OSBPL8: variants seen among roughly 807,000 people sequenced by gnomAD.
The protein encoded by OSBPL8 is oxysterol-binding protein-related protein 8.
A neutral mutation model predicts 125.5 loss-of-function variants in OSBPL8; 59 were observed. The ratio of observed to expected loss-of-function variants is 0.47; its 90% CI spans 0.38 to 0.58. The LOEUF (loss-of-function observed/expected upper bound fraction) is 0.58, where lower values mean the gene tolerates loss of function less well. Ranked by LOEUF, OSBPL8 falls within the 20% of genes least tolerant of loss-of-function variation. The pLI is 0.00. For missense variants in OSBPL8, 758 were observed against 1,047.8 expected, an observed-to-expected ratio of 0.72 and a Z score of 3.82; for synonymous variants, 330 against 338.9, an observed-to-expected ratio of 0.97 and a Z score of 0.29.
Position 76,389,209 on chromosome 12 carries a change from G to A in OSBPL8, c.1352+436C>T, listed in dbSNP as rs146414257. Among the ~76,000 whole-genome samples the A allele has an allele frequency of 9.2e-5, 14 of 152,264 alleles. 1 individual carries two copies. In the East Asian group the frequency reaches 2.7e-3, roughly 29 times the overall value. On this transcript the variant is annotated intron_variant, in intron 12 of 23. Transcript: ENST00000261183. ...GTTCCAAAAGCTAGCAACTGGCAGG[G>A]CATTCTAGTTCTGGTAAGCCGTACA...
intron 1 of OSBPL8, among the ~76,000 whole-genome samples, chr12:76,536,740 G>A (rs1168409287): frequency 4.6e-5 from 7 of 151,534 alleles, no homozygotes; most frequent in Admixed American, 3.9e-4. Context: ...AAGAACGGAG[G>A]CGGAAAGGAG....
chr12:76,448,687 A>T lies in OSBPL8; in HGVS notation c.217+2164T>A, dbSNP rs377429096. 1.5e-4 allele frequency among the ~76,000 whole-genome samples: 23 copies of T among 152,352 alleles called. No homozygotes were observed. In the East Asian group the frequency reaches 3.5e-3, roughly 23 times the overall value. On this transcript the variant is annotated intron_variant, in intron 4 of 23. Transcript: ENST00000261183. ...TACCATGCTATATGAAAGTGTTTCC[A>T]TCTAATATATGACTAGATAAACATT... is the stretch of plus-strand genomic sequence containing the variant.
chr12:76,472,892 C>A (rs1876336453), intron 2 of OSBPL8, among the ~76,000 whole-genome samples: 1 of 152,098 alleles, frequency 6.6e-6, no homozygotes, highest in African/African-American at 2.4e-5. Context: ...AGGCCCTCCA[C>A]AAGAGGTGGA....
chr12:76,545,991 A>G (rs4258421), intron 1 of OSBPL8, among the ~76,000 whole-genome samples: 112,070 of 152,034 alleles, frequency 0.74, 45,443 homozygotes, highest in East Asian at 0.98. Context: ...GATTTTTTTC[A>G]GCCAAACAAG....
At position 76,394,676 on chromosome 12, in the gene OSBPL8, A is replaced by G. The variant is rs767328399; in HGVS notation, c.726T>C (p.Tyr242=). The change falls in exon 9 of 24, where the codon TAT becomes TAC. Residue 242 remains tyrosine (Y), a synonymous_variant. Coordinates refer to ENST00000261183, the MANE Select transcript of OSBPL8 (RefSeq NM_020841.5). ...ACTCTGAAGTAGCTCGGATGATCAA[A>G]TAACTGCTAGGTAAGGGTTGAGTAA... The part of the protein sequence containing the change: ...GSITQPLPSS[Y]LIIRATSESD... 12 of 1,612,768 alleles carry G rather than the reference A, an allele frequency of 7.4e-6. No individual in the cohort carries two copies. In the South Asian group the frequency reaches 1.3e-4, roughly 18 times the overall value.
intron 12 of OSBPL8, among the ~76,000 whole-genome samples, 178 bp downstream of exon 12, chr12:76,389,467 T>G (rs759288675): frequency 4.5e-4 from 69 of 152,172 alleles, no homozygotes; most frequent in Non-Finnish European, 1.8e-4. Flanking sequence ...ATGGCAACAT[T>G]ATAGCAAAGT....
chr12:76,407,240 G>T (rs1383422544), intron 5 of OSBPL8, among the ~76,000 whole-genome samples: 1 of 152,132 alleles, frequency 6.6e-6, no homozygotes, highest in African/African-American at 2.4e-5. Context: ...TTGGTTGCAT[G>T]CTCATATATA....
intron 1 of OSBPL8, among the ~76,000 whole-genome samples, chr12:76,489,966 C>T (rs186284180): frequency 6.6e-6 from 1 of 152,258 alleles, no homozygotes; most frequent in African/African-American, 2.4e-5. Context: ...AAGTTGATTC[C>T]AACCCTTACG....
intron 4 of OSBPL8, among the ~76,000 whole-genome samples, chr12:76,430,597 T>C (rs566305923): frequency 3.3e-4 from 51 of 152,308 alleles, no homozygotes; most frequent in African/African-American, 1.1e-3. Context: ...AATGATTTTC[T>C]TAAAGAAGCT....
intron 1 of OSBPL8, among the ~76,000 whole-genome samples, chr12:76,552,483 T>C (rs1950974494): frequency 6.6e-6 from 1 of 151,768 alleles, no homozygotes; most frequent in African/African-American, 2.4e-5. Flanking sequence ...GAGCACAAAT[T>C]TTTGTGGGCA....
At chr12:76,551,801 CCTCGT>C (rs1208695413) in intron 1 of OSBPL8, among the ~76,000 whole-genome samples, 2 of 152,202 alleles carry the variant, frequency 1.3e-5, no homozygotes, top group Non-Finnish European at 1.5e-5. Context: ...GTCTCGACTA[CCTCGT>C]CTATCCAGTC....
intron 2 of OSBPL8, among the ~76,000 whole-genome samples, chr12:76,474,408 T>C (rs886954853): frequency 4.6e-5 from 7 of 152,050 alleles, no homozygotes; most frequent in African/African-American, 1.7e-4. Context: ...TAAATTTATA[T>C]ATACGCACTT....
intron 19 of OSBPL8, 97 bp from the exon 20 acceptor site, chr12:76,369,919 C>G: frequency 8.5e-7 from 1 of 1,174,150 alleles, no homozygotes; most frequent in Non-Finnish European, 1.2e-6. Context: ...GAAAATAATG[C>G]TCACATGAAT....
chr12:76,475,211 C>T (rs560659311), intron 2 of OSBPL8, among the ~76,000 whole-genome samples: 1 of 152,110 alleles, frequency 6.6e-6, no homozygotes, highest in Non-Finnish European at 1.5e-5. Flanking sequence ...GGTGTCTAAG[C>T]TTTAATTATA....
At chr12:76,466,359 TAG>T (rs1454098738) in intron 2 of OSBPL8, among the ~76,000 whole-genome samples, 2 of 152,210 alleles carry the variant, frequency 1.3e-5, no homozygotes, top group Non-Finnish European at 2.9e-5. Flanking sequence ...TGATTAAGTA[TAG>T]TGGGAAGTAC....
chr12:76,457,547 C>T (rs184163833), intron 3 of OSBPL8, among the ~76,000 whole-genome samples: 1 of 152,072 alleles, frequency 6.6e-6, no homozygotes, highest in Non-Finnish European at 1.5e-5. Flanking sequence ...TTTAAAAATA[C>T]ACATAGAAGT....
chr12:76,366,538 G>T, intron 21 of OSBPL8: 1 of 416,118 alleles, frequency 2.4e-6, no homozygotes, highest in African/African-American at 2.1e-5. Context: ...TCTCTATTTT[G>T]TTTATCTGTA....
intron 1 of OSBPL8, among the ~76,000 whole-genome samples, chr12:76,558,965 G>T (rs1951190858): frequency 6.6e-6 from 1 of 152,216 alleles, no homozygotes; most frequent in African/African-American, 2.4e-5. Flanking sequence ...TGCGGTCTGC[G>T]GTGCGCGGCA....
At position 76,372,166 on chromosome 12, in the gene OSBPL8, TCTC is replaced by T. The variant is rs1480890525; in HGVS notation, c.1918-585_1918-583del. Reference sequence around the variant, plus strand: ...ATTTATCTACCTGTTTAACCATCCTTCTCCTTCTCTCTCTCTCTGTCATCTCTC... The same window carrying T: ...ATTTATCTACCTGTTTAACCATCCTTCTTCTCTCTCTCTCTGTCATCTCTC... On this transcript the variant is annotated intron_variant, in intron 18 of 23. Coordinates refer to ENST00000261183, the MANE Select transcript of OSBPL8 (RefSeq NM_020841.5). 6.6e-5 allele frequency among the ~76,000 whole-genome samples: 10 copies of T among 152,158 alleles called. No homozygotes were observed. The East Asian group carries it at 1.9e-3, about 29-fold the overall frequency.
Sources: allele counts gnomAD v4.1 joint callset (sites outside exome capture counted in the v4.1 genomes callset), GRCh38; gene constraint gnomAD v4.1.1; transcripts MANE v1.5; gene names NCBI Gene and HGNC (gene_info 2026-07-23, HGNC 2026-07-21).